Variants in MAPK10 observed in about 807,000 individuals in gnomAD.
MAPK10 encodes mitogen-activated protein kinase 10.
Under a neutral mutation model 59.3 loss-of-function variants are expected in MAPK10, and 25 were observed. The ratio of observed to expected loss-of-function variants is 0.42; its 90% CI spans 0.31 to 0.59. The LOEUF (loss-of-function observed/expected upper bound fraction) is 0.59. Ranked by LOEUF, MAPK10 falls within the 20% of genes least tolerant of loss-of-function variation. The pLI is 0.15. For missense variants in MAPK10, 351 were observed against 568.9 expected (o/e 0.62, Z 3.90); for synonymous variants, 190 against 200.5 (o/e 0.95, Z 0.44).
intron 1 of MAPK10, among the ~76,000 whole-genome samples, chr4:86,444,453 A>G (rs575818835): frequency 6.6e-6 from 1 of 152,298 alleles, no homozygotes; most frequent in African/African-American, 2.4e-5. Context: ...TAAAACCCAA[A>G]GCTAGAAAAA....
At chr4:86,071,218 C>T (rs75501001) in intron 9 of MAPK10, among the ~76,000 whole-genome samples, 9 of 151,912 alleles carry the variant, frequency 5.9e-5, no homozygotes, top group East Asian at 1.9e-4. Flanking sequence ...TGATGACCTT[C>T]GCCCACTTTT....
Position 86,036,266 on chromosome 4 carries a change from G to A in MAPK10, c.1111-4835C>T, listed in dbSNP as rs145164138. ...CCCAGAAAGATCCAGATAGATCTTC[G>A]GTGGAGGACGTTAATATGAGACATC... is the stretch of plus-strand genomic sequence containing the variant. On this transcript the variant is annotated intron_variant, in intron 11 of 13. Transcript: ENST00000641462. Among the ~76,000 whole-genome samples, 251 of 152,054 alleles carry A rather than the reference G, an allele frequency of 1.7e-3. 2 individuals carry two copies. Among genetic ancestry groups the A allele is most frequent in the African/African-American group, 5.5e-3 (230 of 41,478 alleles).
intron 1 of MAPK10, among the ~76,000 whole-genome samples, chr4:86,569,314 G>T (rs1761289250): frequency 6.6e-6 from 1 of 152,130 alleles, no homozygotes; most frequent in Non-Finnish European, 1.5e-5. Flanking sequence ...TGTTGACGAG[G>T]ATGCAGAGAA....
At chr4:86,098,834 G>T in intron 8 of MAPK10, 1 of 413,232 alleles carries the variant, frequency 2.4e-6, no homozygotes, top group Non-Finnish European at 4.4e-6. Flanking sequence ...GCCTTACATT[G>T]CCTCTCAGCA....
intron 2 of MAPK10, among the ~76,000 whole-genome samples, chr4:86,253,900 TG>T (rs1409521551): frequency 6.7e-5 from 1 of 14,906 alleles, no homozygotes; most frequent in Non-Finnish European, 1.0e-4. Flanking sequence ...GGTTTAGTCT[TG>T]GGAGAGTGTA....
chr4:86,013,333 G>A lies in MAPK10; in HGVS notation c.*3895C>T, dbSNP rs985677972. On this transcript the variant is annotated 3_prime_UTR_variant, in exon 14 of 14. Coordinates refer to ENST00000641462, the MANE Select transcript of MAPK10 (RefSeq NM_138982.4). Reference sequence around the variant, plus strand: ...AATGTTGAACTCTTATAATTAAAATGTGTGTGGGGGATTGTGAGTGGGGAG... The same window carrying A: ...AATGTTGAACTCTTATAATTAAAATATGTGTGGGGGATTGTGAGTGGGGAG... 6.6e-6 allele frequency: 1 copy of A among 152,178 alleles called. No individual in the cohort carries two copies. The highest frequency in any genetic ancestry group is 1.5e-5 in the Non-Finnish European group (1 of 68,034). 9.4% of individuals were successfully genotyped at this position (152,178 alleles called of 1,614,324 possible). A position where few individuals can be genotyped will look rare whatever the true frequency, so the allele number is the denominator to read the frequency against.
intron 1 of MAPK10, among the ~76,000 whole-genome samples, chr4:86,560,948 T>A (rs1277660648): frequency 1.3e-5 from 2 of 152,232 alleles, no homozygotes; most frequent in Admixed American, 6.5e-5. Context: ...CCTGCTCACA[T>A]GTATTACAAT....
At chr4:86,563,993 G>A (rs964945039) in intron 1 of MAPK10, among the ~76,000 whole-genome samples, 1 of 151,904 alleles carries the variant, frequency 6.6e-6, no homozygotes, top group Non-Finnish European at 1.5e-5. Context: ...CACCACACCC[G>A]GCTAATTTTT....
rs576150615 is a variant in MAPK10, at chr4:86,415,352, T to C, written c.-122+37678A>G. Among the ~76,000 whole-genome samples, 6 of 152,334 alleles carry C rather than the reference T, an allele frequency of 3.9e-5. No individual in the cohort carries two copies. In the South Asian group the frequency reaches 1.0e-3, roughly 26 times the overall value. On this transcript the variant is annotated intron_variant, in intron 1 of 13. Coordinates refer to the MAPK10 transcript ENST00000361569. ...CGTCAGCTTAACTTTCAATGTTTTT[T>C]GCCTCGTGACTTCAGAATTATAATT...
chr4:86,084,332 T>A (rs771683296), intron 9 of MAPK10, among the ~76,000 whole-genome samples: 1 of 152,208 alleles, frequency 6.6e-6, no homozygotes, highest in Non-Finnish European at 1.5e-5. Flanking sequence ...TGTTTGCAGA[T>A]GATATGATGT....
At position 86,372,564 on chromosome 4, in the gene MAPK10, G is replaced by GAAAGGAAAAGA. The variant is rs1554253764; in HGVS notation, c.-121-17921_-121-17920insTCTTTTCCTTT. On this transcript the variant is annotated intron_variant, in intron 1 of 13. Coordinates refer to the MAPK10 transcript ENST00000361569. ...AGAAAGAAAGAAAGAAAGAAAGAAA[G>GAAAGGAAAAGA]AAAGAAAAGAAAAGAAAAGAAAAGA... is the stretch of plus-strand genomic sequence containing the variant. Among the ~76,000 whole-genome samples, 416 of 78,692 alleles carry GAAAGGAAAAGA rather than the reference G, an allele frequency of 5.3e-3. 7 individuals are homozygous for GAAAGGAAAAGA. Among genetic ancestry groups the GAAAGGAAAAGA allele is most frequent in the East Asian group, 0.021 (62 of 2,924 alleles). The allele number at this position is 78,692 out of a possible 152,430, so 51.6% of individuals were successfully genotyped here. A position where few individuals can be genotyped will look rare whatever the true frequency, so the allele number is the denominator to read the frequency against.
chr4:86,338,154 G>T (rs561854737), intron 2 of MAPK10, among the ~76,000 whole-genome samples: 3 of 152,198 alleles, frequency 2.0e-5, no homozygotes, highest in African/African-American at 7.2e-5. Flanking sequence ...ATCTCAGACT[G>T]CCTTGACCAT....
At chr4:86,374,666 A>G (rs1281306734) in intron 1 of MAPK10, among the ~76,000 whole-genome samples, 1 of 152,220 alleles carries the variant, frequency 6.6e-6, no homozygotes, top group Non-Finnish European at 1.5e-5. Flanking sequence ...ACAGCAGCTA[A>G]TAGGACACCT....
rs557822469 is a variant in MAPK10, at chr4:86,547,096, G to A, written c.-263+46814C>T. Among the ~76,000 whole-genome samples the A allele has an allele frequency of 4.6e-5, 7 of 152,308 alleles. No homozygotes were observed. In the East Asian group the frequency reaches 1.4e-3, roughly 29 times the overall value. ...TGCTAAAGGGAAAGGCTGATTATTGGAGTCAGAAGACTAGTTATCCTCTGC... is the reference window on the plus strand; with the variant it reads ...TGCTAAAGGGAAAGGCTGATTATTGAAGTCAGAAGACTAGTTATCCTCTGC... On this transcript the variant is annotated intron_variant, in intron 1 of 4. Coordinates refer to the MAPK10 transcript ENST00000502302.
intron 1 of MAPK10, among the ~76,000 whole-genome samples, chr4:86,567,335 C>T (rs1056943466): frequency 2.0e-5 from 3 of 152,066 alleles, no homozygotes; most frequent in Admixed American, 1.3e-4. Context: ...ATTCTCCTGC[C>T]TCAGCCTCCC....
intron 4 of MAPK10, among the ~76,000 whole-genome samples, chr4:86,128,307 G>A (rs183015289): frequency 4.6e-5 from 7 of 152,030 alleles, no homozygotes; most frequent in East Asian, 1.9e-4. Context: ...CTGTGTCCCC[G>A]CCAAATCTCA....
intron 9 of MAPK10, chr4:86,080,948 G>C (rs2149029844): frequency 6.6e-6 from 1 of 152,040 alleles, no homozygotes; most frequent in African/African-American, 2.4e-5. Flanking sequence ...AAGAGCAATG[G>C]TGCATTAAGA....
intron 1 of MAPK10, among the ~76,000 whole-genome samples, chr4:86,504,542 TTTC>T (rs1755576477): frequency 6.6e-6 from 1 of 152,162 alleles, no homozygotes; most frequent in Non-Finnish European, 1.5e-5. Flanking sequence ...CTACCAATTT[TTTC>T]TTATTAACAA....
chr4:86,209,842 A>C (rs561906786), intron 2 of MAPK10, among the ~76,000 whole-genome samples: 1 of 152,240 alleles, frequency 6.6e-6, no homozygotes, highest in East Asian at 1.9e-4. Flanking sequence ...AAAAGAGCAA[A>C]TCTGGAGGAA....
Sources: gnomAD v4.1 joint callset for allele counts (sites outside exome capture counted in the v4.1 genomes callset) on GRCh38, gnomAD v4.1.1 for gene constraint, MANE v1.5 for transcripts, NCBI Gene and HGNC (gene_info 2026-07-23, HGNC 2026-07-21) for gene names.